The following PCDHA6 variants were observed in gnomAD, a reference collection of about 807,000 sequenced individuals.
The protein encoded by PCDHA6 is protocadherin alpha 6, also known as protocadherin alpha-6.
In PCDHA6, 55 loss-of-function variants were observed where a neutral mutation model predicts 60.3. The observed-to-expected ratio is 0.91, with a 90% CI of 0.73 to 1.14. PCDHA6 has a LOEUF of 1.14. Ranked by LOEUF, PCDHA6 falls within the 50% of genes most tolerant of loss-of-function variation. The pLI is 0.00. For missense variants in PCDHA6, 1,327 were observed against 1,256.5 expected, an observed-to-expected ratio of 1.06 and a Z score of -0.85; for synonymous variants, 652 against 557.9, an observed-to-expected ratio of 1.17 and a Z score of -2.38.
At chr5:140,992,457 A>G (rs2097512834) in intron 3 of PCDHA6, among the ~76,000 whole-genome samples, 1 of 152,136 alleles carries the variant, frequency 6.6e-6, no homozygotes, top group Non-Finnish European at 1.5e-5. Context: ...GCAGCAGAGG[A>G]CAGTACTCTT....
rs183321523 is a variant in PCDHA6 at position 140,948,382 on chromosome 5, A to G, written c.2395-30567A>G. Among the ~76,000 whole-genome samples the G allele has an allele frequency of 1.2e-3, 182 of 151,516 alleles. 1 individual carries two copies. Among genetic ancestry groups the G allele is most frequent in the African/African-American group, 3.9e-3 (163 of 41,496 alleles). ...TGACTTAGGAGGTGTTCCTTCCTCT[A>G]TTTTCTGAAAGGTTGTGTAATATTG... On this transcript the variant is annotated intron_variant, in intron 1 of 3. Coordinates refer to ENST00000529310, the MANE Select transcript of PCDHA6 (RefSeq NM_018909.4).
At chr5:140,855,376 A>T (rs1239693937) in intron 1 of PCDHA6, among the ~76,000 whole-genome samples, 1 of 150,012 alleles carries the variant, frequency 6.7e-6, no homozygotes, top group Non-Finnish European at 1.5e-5. Context: ...GATAATAGGA[A>T]TCTAAATGGA....
intron 1 of PCDHA6, among the ~76,000 whole-genome samples, chr5:140,922,855 A>C (rs1216713034): frequency 6.6e-6 from 1 of 152,246 alleles, no homozygotes; most frequent in Non-Finnish European, 1.5e-5. Context: ...GACCAAATAC[A>C]TAGACAAGGG....
chr5:140,938,261 A>G (rs1325957872), intron 1 of PCDHA6, among the ~76,000 whole-genome samples: 2 of 152,182 alleles, frequency 1.3e-5, no homozygotes, highest in Non-Finnish European at 2.9e-5. Flanking sequence ...AAAACTTTCT[A>G]ATCACATAGT....
chr5:140,963,072 CAG>C (rs1366711310), intron 1 of PCDHA6, among the ~76,000 whole-genome samples: 5 of 151,824 alleles, frequency 3.3e-5, no homozygotes, highest in African/African-American at 1.2e-4. Flanking sequence ...GTGAAGGAGA[CAG>C]AAATATAAGA....
chr5:140,854,841 T>C (rs2043239245), intron 1 of PCDHA6, among the ~76,000 whole-genome samples: 1 of 149,832 alleles, frequency 6.7e-6, no homozygotes, highest in South Asian at 2.1e-4. Context: ...TTCACTGACA[T>C]TGATAAAATT....
In PCDHA6 at chr5:140,927,579, C is replaced by T. The variant is rs369243383; in HGVS notation, c.2395-51370C>T. The T allele has an allele frequency of 3.2e-4, 517 of 1,614,178 alleles. 2 individuals are homozygous for T. Among genetic ancestry groups the T allele is most frequent in the Non-Finnish European group, 4.1e-4 (483 of 1,180,030 alleles). On this transcript the variant is annotated intron_variant, in intron 1 of 3. Coordinates refer to ENST00000529310, the MANE Select transcript of PCDHA6 (RefSeq NM_018909.4). ...TCATTGTGGTGGACACAAATGACAA[C>T]GCGCCTGTATTTGAGCGCTCCGTAT...
At chr5:140,964,634 T>C (rs2095845045) in intron 1 of PCDHA6, among the ~76,000 whole-genome samples, 1 of 151,918 alleles carries the variant, frequency 6.6e-6, no homozygotes, top group Non-Finnish European at 1.5e-5. Flanking sequence ...AGCCATTTAT[T>C]TTCAGAAACA....
intron 1 of PCDHA6, chr5:140,859,483 G>C (rs1554152411): frequency 9.7e-6 from 2 of 206,816 alleles, no homozygotes; most frequent in African/African-American, 4.7e-5. Flanking sequence ...GTGTTTTCCT[G>C]AAATTGGTTG....
At chr5:140,900,489 C>G (rs1429058590) in intron 1 of PCDHA6, among the ~76,000 whole-genome samples, 8 of 152,196 alleles carry the variant, frequency 5.3e-5, no homozygotes, top group African/African-American at 1.7e-4. Context: ...GTTGGTCAGA[C>G]TGGTCTCAAA....
intron 1 of PCDHA6, among the ~76,000 whole-genome samples, chr5:140,896,874 A>G (rs1009285499): frequency 1.3e-5 from 2 of 152,102 alleles, no homozygotes; most frequent in Non-Finnish European, 2.9e-5. Flanking sequence ...GTACATATTT[A>G]TGGGGTATAT....
chr5:140,856,162 C>T (rs782071685), intron 1 of PCDHA6: 7 of 1,598,320 alleles, frequency 4.4e-6, no homozygotes, highest in Non-Finnish European at 6.0e-6. Context: ...ACGAGGAGGC[C>T]AGACACGGCA....
chr5:140,951,543 C>CG (rs1201907714), intron 1 of PCDHA6, among the ~76,000 whole-genome samples: 2 of 151,428 alleles, frequency 1.3e-5, no homozygotes. Flanking sequence ...GAGCAAGGGA[C>CG]GGGGGGAAGT....
At chr5:140,843,577 A>T in intron 1 of PCDHA6, 1 of 1,595,954 alleles carries the variant, frequency 6.3e-7, no homozygotes. Context: ...CATACTCGCA[A>T]CAACAGCCGC....
chr5:140,875,313 C>T, intron 1 of PCDHA6: 3 of 1,425,730 alleles, frequency 2.1e-6, no homozygotes, highest in Non-Finnish European at 9.1e-7. Flanking sequence ...CACCCACATT[C>T]CAATCATTCA....
At chr5:140,965,039 C>G (rs1237802301) in intron 1 of PCDHA6, among the ~76,000 whole-genome samples, 6 of 152,236 alleles carry the variant, frequency 3.9e-5, no homozygotes, top group African/African-American at 1.2e-4. Context: ...ACTGTCCGCT[C>G]TAGGAGGGAA....
rs2150477897 is a variant in PCDHA6, at chr5:140,850,290, G to A, written c.2394+19805G>A. Reference sequence around the variant, plus strand: ...GGTGGGGAAGGTGCGCGCAGTGGACGCCGACTCGGGCTACAACGCGTGGCT... The same window carrying A: ...GGTGGGGAAGGTGCGCGCAGTGGACACCGACTCGGGCTACAACGCGTGGCT... On this transcript the variant is annotated intron_variant, in intron 1 of 3. Coordinates refer to ENST00000529310, the MANE Select transcript of PCDHA6 (RefSeq NM_018909.4). 4.4e-6 allele frequency: 7 copies of A among 1,595,816 alleles called. 1 individual carries two copies. The highest frequency in any genetic ancestry group is 6.0e-6 in the Non-Finnish European group (7 of 1,167,570).
chr5:140,857,420 G>A (rs2044582609), intron 1 of PCDHA6: 2 of 1,598,360 alleles, frequency 1.3e-6, no homozygotes, highest in Non-Finnish European at 1.7e-6. Flanking sequence ...CGCGCAGTCC[G>A]AGTACACGGT....
In PCDHA6 at chr5:140,843,235, C is replaced by G. The variant is rs2150355590; in HGVS notation, c.2394+12750C>G. On this transcript the variant is annotated intron_variant, in intron 1 of 3. Coordinates refer to ENST00000529310, the MANE Select transcript of PCDHA6 (RefSeq NM_018909.4). ...AGATCAGCACCACTCGTGTCCTGGACGAAGCGGACTCTCCGCGCCACCGTC... is the reference window on the plus strand; with the variant it reads ...AGATCAGCACCACTCGTGTCCTGGAGGAAGCGGACTCTCCGCGCCACCGTC... 1.0e-5 allele frequency: 16 copies of G among 1,595,840 alleles called. 2 individuals are homozygous for G. The African/African-American group carries it at 1.2e-4, about 12-fold the overall frequency.
Sources: gnomAD v4.1 joint callset for allele counts (sites outside exome capture counted in the v4.1 genomes callset) on GRCh38, gnomAD v4.1.1 for gene constraint, MANE v1.5 for transcripts, NCBI Gene and HGNC (gene_info 2026-07-23, HGNC 2026-07-21) for gene names.